PSMD9: variants seen among roughly 807,000 people sequenced by gnomAD.
PSMD9 encodes the protein 26S proteasome non-ATPase regulatory subunit 9.
Under a neutral mutation model 25.9 loss-of-function variants are expected in PSMD9, and 26 were observed. The observed-to-expected ratio is 1.00, with a 90% confidence interval of 0.73 to 1.39. The LOEUF is 1.39. PSMD9 is among the 40% of genes most tolerant of loss of function. The pLI is 0.00. For synonymous variants in PSMD9, 110 were observed against 114.5 expected, an observed-to-expected ratio of 0.96 and a Z score of 0.25; for missense variants, 303 against 299.3, an observed-to-expected ratio of 1.01 and a Z score of -0.09.
At chr12:121,896,202 G>A (rs1432786935) in intron 2 of PSMD9, among the ~76,000 whole-genome samples, 1 of 152,148 alleles carries the variant, frequency 6.6e-6, no homozygotes, top group Non-Finnish European at 1.5e-5. Flanking sequence ...GGGTGCGGTG[G>A]CTCATGCCTG....
intron 4 of PSMD9, among the ~76,000 whole-genome samples, chr12:121,913,400 A>AT (rs1172180779): frequency 2.0e-5 from 3 of 151,106 alleles, no homozygotes; most frequent in African/African-American, 7.3e-5. Flanking sequence ...TTCTAATCAG[A>AT]TTTTTTTGTT....
intron 4 of PSMD9, among the ~76,000 whole-genome samples, chr12:121,907,484 C>G (rs1052483999): frequency 1.3e-5 from 2 of 152,142 alleles, no homozygotes; most frequent in Non-Finnish European, 2.9e-5. Context: ...CTCCCGGCAC[C>G]TGGCCTTTTT....
At chr12:121,900,660 C>T (rs1168658) in intron 3 of PSMD9, among the ~76,000 whole-genome samples, 44,162 of 151,236 alleles carry the variant, frequency 0.29, 6,814 homozygotes, top group East Asian at 0.51. Flanking sequence ...TTCACAGAGC[C>T]ATGCATTACC....
intron 5 of PSMD9, 69 bp downstream of exon 5, chr12:121,916,013 GGGGAAGGCT>G (rs1272818455): frequency 3.4e-6 from 5 of 1,467,288 alleles, no homozygotes; most frequent in Non-Finnish European, 4.7e-6. Flanking sequence ...TGAAGCTGGA[GGGGAAGGCT>G]GGGGAGACAT....
chr12:121,892,608 G>A (rs554703931), intron 1 of PSMD9, among the ~76,000 whole-genome samples: 1 of 152,230 alleles, frequency 6.6e-6, no homozygotes, highest in East Asian at 1.9e-4. Context: ...GGCTGAGGCA[G>A]GAGAAGGGCC....
chr12:121,911,032 TTTTTGTTTTG>T (rs58759018), intron 4 of PSMD9: 3 of 450,754 alleles, frequency 6.7e-6, no homozygotes, highest in South Asian at 4.7e-5. Flanking sequence ...CTGTGTAGTT[TTTTTGTTTTG>T]TTTTGTTTTG....
chr12:121,889,098 TC>T, intron 1 of PSMD9, 104 bp downstream of exon 1: 5 of 1,424,906 alleles, frequency 3.5e-6, no homozygotes, highest in Non-Finnish European at 4.7e-6. Context: ...GCAACGGATC[TC>T]CCTGGGAGGC....
At chr12:121,913,070 G>A (rs1012301972) in intron 4 of PSMD9, among the ~76,000 whole-genome samples, 1 of 151,464 alleles carries the variant, frequency 6.6e-6, no homozygotes, top group African/African-American at 2.4e-5. Flanking sequence ...CCGAGTAGCT[G>A]GGACTACAGG....
intron 1 of PSMD9, 152 bp downstream of exon 1, chr12:121,889,146 A>T: frequency 1.1e-6 from 1 of 947,904 alleles, no homozygotes; most frequent in Admixed American, 2.9e-5. Context: ...TCGGCACAAG[A>T]AGGCAGGCAA....
intron 1 of PSMD9, among the ~76,000 whole-genome samples, chr12:121,890,159 CG>C (rs1423932936): frequency 6.6e-6 from 1 of 152,146 alleles, no homozygotes; most frequent in East Asian, 1.9e-4. Context: ...TCAGGTGATC[CG>C]CCCACCTTGG....
At chr12:121,911,079 G>A (rs542897024) in intron 4 of PSMD9, 12 of 444,432 alleles carry the variant, frequency 2.7e-5, no homozygotes, top group South Asian at 1.8e-4. Context: ...TCGCTCTGTT[G>A]CCCAGGCTGG....
At chr12:121,894,591 G>T in intron 1 of PSMD9, 148 bp from the exon 2 acceptor site, 1 of 669,698 alleles carries the variant, frequency 1.5e-6, no homozygotes, top group Non-Finnish European at 2.7e-6. Context: ...GTGAGGGCAT[G>T]AGTAGAGCCC....
In PSMD9 at chr12:121,894,756, G is replaced by A; in HGVS notation, c.156G>A (p.Met52Ile). The A allele has an allele frequency of 6.2e-7, 1 of 1,614,070 alleles. No individual in the cohort carries two copies. The highest frequency in any genetic ancestry group is 8.5e-7 in the Non-Finnish European group (1 of 1,180,002). Residue 52 changes from methionine (M) to isoleucine (I), a missense_variant, in exon 2 of 6, where the codon ATG becomes ATA. Met to Ile is a conservative substitution (Grantham distance 10). Transcript: ENST00000541212. Reference protein sequence around the residue: ...DVLESQKGIGMNEPLVDCEGY... With the variant: ...DVLESQKGIGINEPLVDCEGY... ...TCCTCCAGCAAAAAGGCATTGGGATGAACGAGCCGCTGGTGGACTGTGAGG... is the reference window on the plus strand; with the variant it reads ...TCCTCCAGCAAAAAGGCATTGGGATAAACGAGCCGCTGGTGGACTGTGAGG...
At chr12:121,897,011 C>T (rs76706382) in intron 2 of PSMD9, among the ~76,000 whole-genome samples, 6,585 of 151,904 alleles carry the variant, frequency 0.043, 446 homozygotes, top group African/African-American at 0.15. Context: ...TATACACATG[C>T]GTGTATATAT....
At chr12:121,910,089 T>TTTTC (rs1387638531) in intron 4 of PSMD9, among the ~76,000 whole-genome samples, 1 of 141,144 alleles carries the variant, frequency 7.1e-6, no homozygotes, top group Non-Finnish European at 1.5e-5. Flanking sequence ...ATGACTTTTT[T>TTTTC]TTTTTTTTTT....
chr12:121,917,858 C>G lies in PSMD9; in HGVS notation c.*1547C>G, dbSNP rs914994799. On this transcript the variant is annotated 3_prime_UTR_variant, in exon 6 of 6. Coordinates refer to ENST00000541212, the MANE Select transcript of PSMD9 (RefSeq NM_002813.7). ...TCAGACTATAATAAACACAGCTTGC[C>G]CAGTTTATCCTTTCTTTTTTATTTT... The G allele has an allele frequency of 6.6e-6, 1 of 152,186 alleles. No individual in the cohort carries two copies. Among genetic ancestry groups the G allele is most frequent in the Non-Finnish European group, 1.5e-5 (1 of 68,034 alleles). 9.4% of individuals were successfully genotyped at this position (152,186 alleles called of 1,614,324 possible).
rs187359460 is a variant in PSMD9 at position 121,893,372 on chromosome 12, T to C, written c.139-1367T>C. 8.1e-3 allele frequency among the ~76,000 whole-genome samples: 1,231 copies of C among 152,324 alleles called. 11 individuals carry two copies. Among genetic ancestry groups the C allele is most frequent in the Non-Finnish European group, 0.011 (757 of 68,032 alleles). The stretch of plus-strand genomic sequence containing the variant: ...GGAGCAAAATGAATGGAATCCCTCT[T>C]CTCAGTGCCTGTGTACACTGGCAGC... On this transcript the variant is annotated intron_variant, in intron 1 of 5. Transcript: ENST00000541212.
intron 4 of PSMD9, among the ~76,000 whole-genome samples, chr12:121,913,145 T>C (rs562335015): frequency 9.7e-4 from 148 of 152,098 alleles, no homozygotes; most frequent in African/African-American, 3.0e-3. Context: ...AGGGTTTCAC[T>C]GTGTTAGCCA....
At chr12:121,907,744 CAAT>C (rs1370459132) in intron 4 of PSMD9, among the ~76,000 whole-genome samples, 2 of 152,142 alleles carry the variant, frequency 1.3e-5, no homozygotes, top group Non-Finnish European at 2.9e-5. Context: ...AATTATGTCT[CAAT>C]GATAAAAATA....
Sources: gnomAD v4.1 joint callset for allele counts (sites outside exome capture counted in the v4.1 genomes callset) on GRCh38, gnomAD v4.1.1 for gene constraint, MANE v1.5 for transcripts, NCBI Gene and HGNC (gene_info 2026-07-23, HGNC 2026-07-21) for gene names.